SPECC1L: variants seen among roughly 807,000 people sequenced by gnomAD.
SPECC1L encodes cytospin-A.
In SPECC1L, 40 loss-of-function variants were observed where a neutral mutation model predicts 116.8. The ratio of observed to expected loss-of-function variants is 0.34; its 90% CI spans 0.27 to 0.45. The LOEUF is 0.45. Among genes scored for constraint, SPECC1L ranks in the 20% least tolerant of loss-of-function variants. The pLI is 1.00. For missense variants in SPECC1L, 1,110 were observed against 1,373.6 expected (o/e 0.81, Z 3.03); for synonymous variants, 504 against 500.6 (o/e 1.01, Z -0.09).
intron 11 of SPECC1L, among the ~76,000 whole-genome samples, chr22:24,347,829 C>A (rs2041332901): frequency 6.6e-6 from 1 of 152,176 alleles, no homozygotes; most frequent in Admixed American, 6.5e-5. Context: ...GCGCACACCA[C>A]CACGCTCAGA....
chr22:24,356,879 C>T (rs1159716888), intron 11 of SPECC1L, among the ~76,000 whole-genome samples: 1 of 151,964 alleles, frequency 6.6e-6, no homozygotes, highest in African/African-American at 2.4e-5. Flanking sequence ...TATTGGCGTC[C>T]ACATAACTGT....
intron 3 of SPECC1L, among the ~76,000 whole-genome samples, chr22:24,310,294 A>T (rs1231570807): frequency 6.6e-6 from 1 of 152,224 alleles, no homozygotes; most frequent in Non-Finnish European, 1.5e-5. Flanking sequence ...ATTTTGCAAT[A>T]AAAAACAATG....
intron 14 of SPECC1L, among the ~76,000 whole-genome samples, chr22:24,383,317 C>T (rs1289335909): frequency 6.6e-6 from 1 of 152,182 alleles, no homozygotes; most frequent in Non-Finnish European, 1.5e-5. Context: ...TGGCTCATAC[C>T]TGTAATCCTA....
chr22:24,362,472 G>A (rs1007822911), intron 11 of SPECC1L, among the ~76,000 whole-genome samples: 1 of 152,198 alleles, frequency 6.6e-6, no homozygotes, highest in Non-Finnish European at 1.5e-5. Context: ...ATATCTGATT[G>A]TGTCCTTCCC....
At chr22:24,358,759 G>A (rs902933721) in intron 11 of SPECC1L, among the ~76,000 whole-genome samples, 1 of 152,034 alleles carries the variant, frequency 6.6e-6, no homozygotes, top group Non-Finnish European at 1.5e-5. Context: ...TGCCCCACTT[G>A]GCCTCAATCA....
chr22:24,407,326 C>T (rs758871952), intron 14 of SPECC1L, among the ~76,000 whole-genome samples: 3 of 152,196 alleles, frequency 2.0e-5, no homozygotes, highest in African/African-American at 4.8e-5. Context: ...TCTCTCTTCC[C>T]GGAGGTTCCA....
intron 2 of SPECC1L, among the ~76,000 whole-genome samples, chr22:24,291,739 G>A (rs2049160468): frequency 6.6e-6 from 1 of 152,028 alleles, no homozygotes; most frequent in Non-Finnish European, 1.5e-5. Flanking sequence ...ATCCTTATAA[G>A]GAAGGTACAT....
intron 14 of SPECC1L, among the ~76,000 whole-genome samples, chr22:24,382,643 A>G (rs1420244580): frequency 6.9e-6 from 1 of 145,140 alleles, no homozygotes; most frequent in Non-Finnish European, 1.5e-5. Context: ...CAGAGGTTGC[A>G]GTGAGCCGAG....
In SPECC1L at chr22:24,313,330, C is replaced by T. The variant is rs1307707452; in HGVS notation, c.171C>T (p.Asp57=). 2.5e-6 allele frequency: 4 copies of T among 1,613,806 alleles called. No individual in the cohort carries two copies. Among genetic ancestry groups the T allele is most frequent in the Admixed American group, 3.3e-5 (2 of 59,966 alleles). ...GCTTCTAGACCAAGAGCAGTGATGACCTTTTAGCTGGAATGGCCGGAGGGG... is the reference window on the plus strand; with the variant it reads ...GCTTCTAGACCAAGAGCAGTGATGATCTTTTAGCTGGAATGGCCGGAGGGG... ...ASLSKTKSSD[D]LLAGMAGGVT... Residue 57 remains aspartate, a synonymous_variant, in exon 4 of 17, where the codon GAC becomes GAT. Coordinates refer to ENST00000314328, the MANE Select transcript of SPECC1L (RefSeq NM_015330.6).
intron 14 of SPECC1L, 94 bp from the exon 15 acceptor site, chr22:24,411,494 C>T: frequency 2.6e-6 from 3 of 1,137,546 alleles, no homozygotes; most frequent in East Asian, 2.3e-5. Context: ...GTTTTGGAGG[C>T]CATGCAGCAT....
chr22:24,343,289 A>G (rs1188518550), intron 10 of SPECC1L, among the ~76,000 whole-genome samples: 1 of 152,214 alleles, frequency 6.6e-6, no homozygotes, highest in Non-Finnish European at 1.5e-5. Flanking sequence ...AGGAAGCTAA[A>G]GCAAGACAAG....
At chr22:24,335,758 T>A (rs1428541652) in intron 9 of SPECC1L, among the ~76,000 whole-genome samples, 1 of 152,178 alleles carries the variant, frequency 6.6e-6, no homozygotes, top group African/African-American at 2.4e-5. Context: ...ACCTTCCAGT[T>A]TAAAATGCCG....
Position 24,362,543 on chromosome 22 carries a change from G to A in SPECC1L, c.2744-718G>A, listed in dbSNP as rs140929007. 2.1e-3 allele frequency among the ~76,000 whole-genome samples: 326 copies of A among 152,292 alleles called. 2 individuals carry two copies. The highest frequency in any genetic ancestry group is 7.3e-3 in the African/African-American group (302 of 41,568). On this transcript the variant is annotated intron_variant, in intron 11 of 16. Transcript: ENST00000314328. ...CCTCAGACTAAAGTCCACATGCCAG[G>A]TAATGAAGGTTTTCCTTAATCAGCC...
intron 2 of SPECC1L, among the ~76,000 whole-genome samples, chr22:24,294,569 G>T (rs1217814164): frequency 6.6e-6 from 1 of 151,638 alleles, no homozygotes; most frequent in Non-Finnish European, 1.5e-5. Context: ...TTTTGGTAGA[G>T]ACAGGGTTTC....
At chr22:24,285,196 A>G (rs1010310073) in intron 2 of SPECC1L, among the ~76,000 whole-genome samples, 1 of 152,218 alleles carries the variant, frequency 6.6e-6, no homozygotes, top group Admixed American at 6.5e-5. Context: ...GGAGAGCTAT[A>G]TGTCTACTAG....
rs544215416 is a variant in SPECC1L at position 24,417,060 on chromosome 22, C to G, written c.*2437C>G. 1 of 152,458 alleles carries G rather than the reference C, an allele frequency of 6.6e-6. No individual in the cohort carries two copies. The highest frequency in any genetic ancestry group is 1.5e-5 in the Non-Finnish European group (1 of 68,046). 9.4% of individuals were successfully genotyped at this position (152,458 alleles called of 1,614,324 possible). Reference sequence around the variant, plus strand: ...GTTTAAAGTGACATTTGGAGATGCTCTCAGTCCTGTGGCATCTGGCACGAA... The same window carrying G: ...GTTTAAAGTGACATTTGGAGATGCTGTCAGTCCTGTGGCATCTGGCACGAA... On this transcript the variant is annotated 3_prime_UTR_variant, in exon 17 of 17. Coordinates refer to ENST00000314328, the MANE Select transcript of SPECC1L (RefSeq NM_015330.6).
Position 24,405,731 on chromosome 22 carries a change from T to C in SPECC1L, c.3088-5857T>C, listed in dbSNP as rs1427469548. Among the ~76,000 whole-genome samples the C allele has an allele frequency of 2.0e-5, 3 of 151,408 alleles. No individual in the cohort carries two copies. The East Asian group carries it at 5.8e-4, about 29-fold the overall frequency. On this transcript the variant is annotated intron_variant, in intron 14 of 16. Transcript: ENST00000314328. ...GGCGGGTGCTTACAATCCCAGCTAC[T>C]CAGGAGGCTGATGCAGAGAATTGCT...
intron 15 of SPECC1L, 122 bp downstream of exon 15, chr22:24,411,826 A>T (rs2042704760): frequency 8.6e-6 from 7 of 818,034 alleles, no homozygotes; most frequent in Non-Finnish European, 1.5e-5. Context: ...GCCTCGTGCC[A>T]TCTGGGTCTT....
At chr22:24,393,666 G>A (rs962010448) in intron 14 of SPECC1L, among the ~76,000 whole-genome samples, 1 of 152,026 alleles carries the variant, frequency 6.6e-6, no homozygotes, top group Non-Finnish European at 1.5e-5. Flanking sequence ...TTTAATAGTT[G>A]CATTGAGGTA....
Sources: gnomAD v4.1 joint callset for allele counts (sites outside exome capture counted in the v4.1 genomes callset) on GRCh38, gnomAD v4.1.1 for gene constraint, MANE v1.5 for transcripts, NCBI Gene and HGNC (gene_info 2026-07-23, HGNC 2026-07-21) for gene names.